Variants in PAK1IP1 observed in about 807,000 individuals in gnomAD.
PAK1IP1 encodes the protein PAK1 interacting protein 1.
A neutral mutation model predicts 42.0 loss-of-function variants in PAK1IP1; 24 were observed. That is an observed-to-expected ratio of 0.57 (90% CI 0.41 to 0.80). The LOEUF (loss-of-function observed/expected upper bound fraction) is 0.80. PAK1IP1 is among the 30% of genes least tolerant of loss of function. PAK1IP1 has a pLI of 0.00. For synonymous variants in PAK1IP1, 154 were observed against 156.7 expected, an observed-to-expected ratio of 0.98 and a Z score of 0.13; for missense variants, 411 against 467.9, an observed-to-expected ratio of 0.88 and a Z score of 1.12.
In PAK1IP1 at chr6:10,709,219, A is replaced by T. The variant is rs769764649; in HGVS notation, c.965-19A>T. ...GGGAAAACAGTCTTTTTTTAAAAGC[A>T]CTCTCTTTTGTGTTTTAGTAAGTAA... On this transcript the variant is annotated intron_variant, in intron 9 of 9. Transcript: ENST00000379568. The T allele has an allele frequency of 6.3e-7, 1 of 1,581,392 alleles. No homozygotes were observed. Among genetic ancestry groups the T allele is most frequent in the South Asian group, 1.2e-5 (1 of 85,816 alleles).
chr6:10,702,851 G>A (rs1770072597), intron 4 of PAK1IP1, among the ~76,000 whole-genome samples: 1 of 151,792 alleles, frequency 6.6e-6, no homozygotes, highest in Non-Finnish European at 1.5e-5. Flanking sequence ...CTGTCGCCCA[G>A]GCTGGAGTGC....
chr6:10,702,963 C>G (rs1354939288), intron 4 of PAK1IP1, among the ~76,000 whole-genome samples: 1 of 152,182 alleles, frequency 6.6e-6, no homozygotes, highest in East Asian at 1.9e-4. Flanking sequence ...CCCACCACCA[C>G]GCCCGGCTAT....
At position 10,696,461 on chromosome 6, in the gene PAK1IP1, G is replaced by GGAGT. The variant is rs568736162; in HGVS notation, c.85-853_85-850dup. On this transcript the variant is annotated intron_variant, in intron 1 of 9. Coordinates refer to ENST00000379568, the MANE Select transcript of PAK1IP1 (RefSeq NM_017906.3). The stretch of plus-strand genomic sequence containing the variant: ...TTTTGATGCAGTTCCTTCAGTTTAA[G>GGAGT]GAGTGAGTGAGTGTGTGTGTGTGTC... Among the ~76,000 whole-genome samples the GGAGT allele has an allele frequency of 5.5e-3, 844 of 152,266 alleles. 7 individuals carry two copies. Among genetic ancestry groups the GGAGT allele is most frequent in the African/African-American group, 0.019 (804 of 41,542 alleles).
chr6:10,692,176 T>C (rs1769375056), upstream of PAK1IP1, among the ~76,000 whole-genome samples: 2 of 152,186 alleles, frequency 1.3e-5, no homozygotes, highest in South Asian at 4.1e-4. Flanking sequence ...AATTTGTGGA[T>C]GAGGGTGTAA....
At chr6:10,693,967 T>C (rs374645634), upstream of PAK1IP1, among the ~76,000 whole-genome samples, 25 of 152,230 alleles carry the variant, frequency 1.6e-4, no homozygotes, top group African/African-American at 5.5e-4. Context: ...AACTCTCAAA[T>C]GAAGGCTCTG....
At chr6:10,698,272 AAGT>A (rs1204556243) in intron 2 of PAK1IP1, among the ~76,000 whole-genome samples, 1 of 152,030 alleles carries the variant, frequency 6.6e-6, no homozygotes, top group Non-Finnish European at 1.5e-5. Flanking sequence ...TGTGCCAAGA[AAGT>A]AGAAGAGAAC....
At chr6:10,701,088 T>TC (rs1297664167) in intron 2 of PAK1IP1, among the ~76,000 whole-genome samples, 4 of 152,130 alleles carry the variant, frequency 2.6e-5, no homozygotes, top group Non-Finnish European at 5.9e-5. Flanking sequence ...TTTCTTTCCT[T>TC]CTTTTTTGAG....
At chr6:10,699,200 CAAAAAAAAAAAAA>C (rs796680429) in intron 2 of PAK1IP1, among the ~76,000 whole-genome samples, 1 of 55,406 alleles carries the variant, frequency 1.8e-5, no homozygotes, top group Admixed American at 1.9e-4. Flanking sequence ...GACTCTGTCT[CAAAAAAAAAAAAA>C]AAAAAAAAAG....
chr6:10,701,685 T>C (rs1049412632), intron 2 of PAK1IP1, among the ~76,000 whole-genome samples: 2 of 152,166 alleles, frequency 1.3e-5, no homozygotes, highest in African/African-American at 4.8e-5. Flanking sequence ...AATTCACTGT[T>C]TAGAAAGTGG....
At chr6:10,702,240 C>CAAAAAA in intron 2 of PAK1IP1, 129 bp from the exon 3 acceptor site, 1 of 571,702 alleles carries the variant, frequency 1.7e-6, no homozygotes, top group Non-Finnish European at 2.8e-6. Context: ...AACCCTGCCT[C>CAAAAAA]AAAAAAAAAA....
chr6:10,703,338 C>G (rs1283170411), intron 4 of PAK1IP1, 67 bp from the exon 5 acceptor site: 11 of 1,164,578 alleles, frequency 9.4e-6, no homozygotes, highest in Non-Finnish European at 1.4e-5. Context: ...CTTCATTATG[C>G]TTGTTCTTTT....
At chr6:10,693,511 A>T (rs1769541930), upstream of PAK1IP1, among the ~76,000 whole-genome samples, 1 of 152,218 alleles carries the variant, frequency 6.6e-6, no homozygotes, top group African/African-American at 2.4e-5. Context: ...ACACCAGAGA[A>T]GAAAAGTTAT....
intron 9 of PAK1IP1, 26 bp from the exon 10 acceptor site, chr6:10,709,212 T>A (rs759369613): frequency 6.3e-6 from 10 of 1,576,884 alleles, no homozygotes; most frequent in Non-Finnish European, 8.6e-7. Context: ...AGTCTTTTTT[T>A]AAAAGCACTC....
chr6:10,701,082 T>C (rs931448883), intron 2 of PAK1IP1, among the ~76,000 whole-genome samples: 12 of 152,140 alleles, frequency 7.9e-5, no homozygotes, highest in African/African-American at 2.9e-4. Context: ...TATTTCTTTC[T>C]TTCCTTCTTT....
chr6:10,691,232 C>T (rs185778989), upstream of PAK1IP1, among the ~76,000 whole-genome samples: 1 of 152,310 alleles, frequency 6.6e-6, no homozygotes, highest in Non-Finnish European at 1.5e-5. Context: ...GCAGACAAAA[C>T]CCCTCAGCCA....
intron 1 of PAK1IP1, 83 bp from the exon 2 acceptor site, chr6:10,697,241 G>A (rs546236828): frequency 4.7e-5 from 53 of 1,116,262 alleles, no homozygotes; most frequent in African/African-American, 9.4e-5. Flanking sequence ...AAATGGTTCC[G>A]TGATTCATGA....
rs1184120282 is a variant in PAK1IP1 at position 10,707,590 on chromosome 6, T to C, written c.840+76T>C. On this transcript the variant is annotated intron_variant, in intron 8 of 9. Coordinates refer to ENST00000379568, the MANE Select transcript of PAK1IP1 (RefSeq NM_017906.3). ...AAGTGAGGTGGAATTTTTTTAAGGGTCATAAGACATAGGTCTTTAAACTTT... is the reference window on the plus strand; with the variant it reads ...AAGTGAGGTGGAATTTTTTTAAGGGCCATAAGACATAGGTCTTTAAACTTT... The C allele has an allele frequency of 2.5e-5, 21 of 845,520 alleles. No individual in the cohort carries two copies. In the Admixed American group the frequency reaches 3.9e-4, roughly 16 times the overall value. The allele number at this position is 845,520 out of a possible 1,614,324, so 52.4% of individuals were successfully genotyped here.
chr6:10,703,954 T>C (rs941813354), intron 5 of PAK1IP1, among the ~76,000 whole-genome samples: 6 of 152,172 alleles, frequency 3.9e-5, no homozygotes, highest in African/African-American at 1.4e-4. Context: ...TTAGACTAGA[T>C]TCTTTTTGTG....
At position 10,702,394 on chromosome 6, in the gene PAK1IP1, T is replaced by C. The variant is rs756602288; in HGVS notation, c.273T>C (p.Tyr91=). 15 of 1,613,566 alleles carry C rather than the reference T, an allele frequency of 9.3e-6. No individual in the cohort carries two copies. The East Asian group carries it at 1.8e-4, about 19-fold the overall frequency. Reference sequence around the variant, plus strand: ...GTACAATAACTTGCCTGAAATTCTATGGCAACAGGCATTTAATCAGTGGAG... The same window carrying C: ...GTACAATAACTTGCCTGAAATTCTACGGCAACAGGCATTTAATCAGTGGAG... ...HSGTITCLKF[Y]GNRHLISGAE... The change falls in exon 3 of 10, where the codon TAT becomes TAC. Residue 91 remains tyrosine (Y), a synonymous_variant. Coordinates refer to ENST00000379568, the MANE Select transcript of PAK1IP1 (RefSeq NM_017906.3).
Sources: gnomAD v4.1 joint callset for allele counts (sites outside exome capture counted in the v4.1 genomes callset) on GRCh38, gnomAD v4.1.1 for gene constraint, MANE v1.5 for transcripts, NCBI Gene and HGNC (gene_info 2026-07-23, HGNC 2026-07-21) for gene names.